The following CDKAL1 variants were observed in gnomAD, a reference collection of about 807,000 sequenced individuals.
CDKAL1 encodes CDKAL1 threonylcarbamoyladenosine tRNA methylthiotransferase.
In CDKAL1, 32 loss-of-function variants were observed where a neutral mutation model predicts 68.2. The observed-to-expected ratio is 0.47, with a 90% confidence interval of 0.35 to 0.63. The LOEUF is 0.63. Among genes scored for constraint, CDKAL1 ranks in the 30% least tolerant of loss-of-function variants. The pLI is 0.00. For missense variants in CDKAL1, 606 were observed against 696.7 expected, an observed-to-expected ratio of 0.87 and a Z score of 1.47; for synonymous variants, 234 against 244.3, an observed-to-expected ratio of 0.96 and a Z score of 0.39.
chr6:21,035,402 T>C (rs964730827), intron 11 of CDKAL1, among the ~76,000 whole-genome samples: 1 of 152,126 alleles, frequency 6.6e-6, no homozygotes, highest in Non-Finnish European at 1.5e-5. Flanking sequence ...TAAAATATTA[T>C]TTAGTACCCA....
chr6:20,874,585 G>A (rs1389738339), intron 9 of CDKAL1, among the ~76,000 whole-genome samples: 1 of 151,832 alleles, frequency 6.6e-6, no homozygotes. Flanking sequence ...GTGTGATCTT[G>A]GCTCACTGCA....
intron 4 of CDKAL1, among the ~76,000 whole-genome samples, chr6:20,559,941 A>C (rs1288560451): frequency 6.6e-6 from 1 of 152,212 alleles, no homozygotes; most frequent in Non-Finnish European, 1.5e-5. Flanking sequence ...ATAAATTACC[A>C]TGAAAGCTTC....
chr6:20,582,843 C>T (rs917238803), intron 4 of CDKAL1, among the ~76,000 whole-genome samples: 2 of 152,252 alleles, frequency 1.3e-5, no homozygotes, highest in East Asian at 1.9e-4. Context: ...TAAATCTCAT[C>T]GCAGCTTTTA....
chr6:20,855,836 A>T (rs949098747), intron 9 of CDKAL1, among the ~76,000 whole-genome samples: 1 of 152,204 alleles, frequency 6.6e-6, no homozygotes, highest in African/African-American at 2.4e-5. Context: ...AAATTTTTTT[A>T]GCTGATTCAG....
At chr6:21,022,166 T>C (rs2150862692) in intron 11 of CDKAL1, among the ~76,000 whole-genome samples, 1 of 152,320 alleles carries the variant, frequency 6.6e-6, no homozygotes, top group Admixed American at 6.5e-5. Flanking sequence ...CATGGCCTCC[T>C]ACTTTGCAGG....
At position 21,044,478 on chromosome 6, in the gene CDKAL1, G is replaced by T. The variant is rs542932625; in HGVS notation, c.1056-20570G>T. 3.4e-4 allele frequency among the ~76,000 whole-genome samples: 52 copies of T among 152,214 alleles called. 2 individuals carry two copies. The South Asian group carries it at 1.0e-2, about 29-fold the overall frequency. On this transcript the variant is annotated intron_variant, in intron 11 of 15. Coordinates refer to ENST00000274695, the MANE Select transcript of CDKAL1 (RefSeq NM_017774.3). The stretch of plus-strand genomic sequence containing the variant: ...TTATACACTTGCTTCTTACATTGGT[G>T]GTCACAGACAAAACTTTCTCCTTTA...
chr6:20,812,443 G>C lies in CDKAL1; in HGVS notation c.638+31178G>C, dbSNP rs56192191. Among the ~76,000 whole-genome samples, 228 of 152,260 alleles carry C rather than the reference G, an allele frequency of 1.5e-3. 1 individual carries two copies. Among genetic ancestry groups the C allele is most frequent in the Non-Finnish European group, 2.7e-3 (183 of 68,008 alleles). The stretch of plus-strand genomic sequence containing the variant: ...TTCTAGAGCGTTATTTGAAGAGTCC[G>C]ACTTACGTATACGTCCATGAAACCA... On this transcript the variant is annotated intron_variant, in intron 8 of 15. Transcript: ENST00000274695.
chr6:20,889,451 C>G (rs1359945165), intron 9 of CDKAL1, among the ~76,000 whole-genome samples: 2 of 152,010 alleles, frequency 1.3e-5, no homozygotes, highest in Non-Finnish European at 1.5e-5. Context: ...TTGCCCATGC[C>G]TATGTCCTGA....
At chr6:20,906,909 A>G (rs1762252103) in intron 9 of CDKAL1, among the ~76,000 whole-genome samples, 1 of 152,236 alleles carries the variant, frequency 6.6e-6, no homozygotes, top group African/African-American at 2.4e-5. Context: ...TATTAAGAGA[A>G]AAGAGCCAGT....
intron 9 of CDKAL1, among the ~76,000 whole-genome samples, chr6:20,872,835 T>C (rs913520209): frequency 6.6e-6 from 1 of 152,166 alleles, no homozygotes; most frequent in Non-Finnish European, 1.5e-5. Context: ...TTGGAAAGGA[T>C]GGGTTAGAAC....
At chr6:21,000,156 G>A in intron 10 of CDKAL1, 71 bp from the exon 11 acceptor site, 27 of 1,205,614 alleles carry the variant, frequency 2.2e-5, no homozygotes, top group Non-Finnish European at 3.3e-5. Context: ...TGCGCTTGTG[G>A]TGTTGATGTG....
chr6:20,641,543 T>C (rs889837473), intron 4 of CDKAL1, among the ~76,000 whole-genome samples: 1 of 152,238 alleles, frequency 6.6e-6, no homozygotes, highest in Non-Finnish European at 1.5e-5. Flanking sequence ...CCATTTTCTT[T>C]GCTTAGAACA....
chr6:20,626,976 G>A (rs993820864), intron 4 of CDKAL1, among the ~76,000 whole-genome samples: 5 of 152,182 alleles, frequency 3.3e-5, no homozygotes, highest in African/African-American at 1.2e-4. Flanking sequence ...TACTGTAGAC[G>A]GGGAAGGGAG....
intron 9 of CDKAL1, among the ~76,000 whole-genome samples, chr6:20,948,010 C>CTTTTTTTTT (rs541978769): frequency 1.7e-5 from 2 of 115,182 alleles, no homozygotes; most frequent in African/African-American, 6.7e-5. Flanking sequence ...GTGAAGGTCA[C>CTTTTTTTTT]TTTTTTTTTT....
intron 4 of CDKAL1, among the ~76,000 whole-genome samples, chr6:20,589,326 ACTTC>A (rs1765498583): frequency 6.6e-6 from 1 of 152,212 alleles, no homozygotes; most frequent in Admixed American, 6.5e-5. Flanking sequence ...GCAGTTAGTT[ACTTC>A]CTTTTTATTT....
At chr6:21,153,516 G>T (rs367969122) in intron 13 of CDKAL1, among the ~76,000 whole-genome samples, 2 of 152,100 alleles carry the variant, frequency 1.3e-5, no homozygotes, top group African/African-American at 4.8e-5. Flanking sequence ...GAGAAGACGG[G>T]TATCATTCTC....
chr6:20,680,500 T>G (rs1241819324), intron 5 of CDKAL1, among the ~76,000 whole-genome samples: 4 of 152,230 alleles, frequency 2.6e-5, no homozygotes, highest in African/African-American at 9.6e-5. Context: ...TTCCTGACAA[T>G]AAAGCGCTGT....
chr6:21,030,254 C>T (rs540538826), intron 11 of CDKAL1, among the ~76,000 whole-genome samples: 8 of 152,224 alleles, frequency 5.3e-5, no homozygotes, highest in Non-Finnish European at 7.4e-5. Context: ...CACATGTTCT[C>T]GTAAGTGGAA....
At chr6:20,646,837 G>A (rs965743166) in intron 4 of CDKAL1, among the ~76,000 whole-genome samples, 2 of 152,202 alleles carry the variant, frequency 1.3e-5, no homozygotes, top group African/African-American at 4.8e-5. Context: ...TCCACCTCCT[G>A]AGTTCAAGCA....
Sources: gnomAD v4.1 joint callset for allele counts (sites outside exome capture counted in the v4.1 genomes callset) on GRCh38, gnomAD v4.1.1 for gene constraint, MANE v1.5 for transcripts, NCBI Gene and HGNC (gene_info 2026-07-23, HGNC 2026-07-21) for gene names.